Variants in GALNTL6 observed in about 807,000 individuals in gnomAD.
GALNTL6 encodes polypeptide N-acetylgalactosaminyltransferase like 6.
GALNTL6 carries 46 observed loss-of-function variants against 73.7 expected under a neutral mutation model. The observed-to-expected ratio is 0.62, with a 90% CI of 0.49 to 0.80. The LOEUF (loss-of-function observed/expected upper bound fraction) is 0.80, where lower values mean the gene tolerates loss of function less well. GALNTL6 is among the 30% of genes least tolerant of loss of function. GALNTL6 has a pLI of 0.00. For missense variants in GALNTL6, 604 were observed against 755.0 expected (o/e 0.80, Z 2.34); for synonymous variants, 259 against 263.7 (o/e 0.98, Z 0.17).
intron 2 of GALNTL6, among the ~76,000 whole-genome samples, chr4:172,029,465 C>T (rs1436229291): frequency 6.6e-6 from 1 of 151,968 alleles, no homozygotes; most frequent in Admixed American, 6.6e-5. Flanking sequence ...TGGTCTTGTA[C>T]AAGCTACAAA....
At chr4:171,946,844 A>T (rs1738716131) in intron 2 of GALNTL6, among the ~76,000 whole-genome samples, 1 of 152,096 alleles carries the variant, frequency 6.6e-6, no homozygotes, top group Admixed American at 6.6e-5. Context: ...GAGAAGGTCT[A>T]GAACAACTCC....
chr4:172,197,145 A>G (rs186731375), intron 2 of GALNTL6, among the ~76,000 whole-genome samples: 3 of 152,254 alleles, frequency 2.0e-5, no homozygotes, highest in African/African-American at 7.2e-5. Context: ...TACACCCAGA[A>G]CCAACAAGCA....
intron 5 of GALNTL6, among the ~76,000 whole-genome samples, chr4:172,374,330 G>A (rs759972505): frequency 6.6e-6 from 1 of 152,106 alleles, no homozygotes; most frequent in Admixed American, 6.6e-5. Context: ...TTAGAACACC[G>A]AGGTTGACAG....
At chr4:171,966,432 A>T (rs2111055833) in intron 2 of GALNTL6, among the ~76,000 whole-genome samples, 1 of 152,290 alleles carries the variant, frequency 6.6e-6, no homozygotes, top group South Asian at 2.1e-4. Flanking sequence ...TTGGCAATTC[A>T]ATATGGAGAG....
At chr4:172,016,318 C>T (rs1451292533) in intron 2 of GALNTL6, among the ~76,000 whole-genome samples, 3 of 152,074 alleles carry the variant, frequency 2.0e-5, no homozygotes, top group South Asian at 2.1e-4. Flanking sequence ...CTTGTCTTCA[C>T]GCTCTGAAAT....
intron 4 of GALNTL6, among the ~76,000 whole-genome samples, chr4:172,312,649 T>G (rs934625415): frequency 1.3e-5 from 2 of 152,068 alleles, no homozygotes; most frequent in African/African-American, 4.8e-5. Context: ...AAAATAAGAA[T>G]CAGAAATCTA....
chr4:171,840,185 A>C (rs1735203711), intron 2 of GALNTL6, among the ~76,000 whole-genome samples: 1 of 152,198 alleles, frequency 6.6e-6, no homozygotes. Context: ...AAATTTTATT[A>C]ACAGGGAAAT....
At chr4:172,978,316 A>G (rs2126425379) in intron 10 of GALNTL6, among the ~76,000 whole-genome samples, 1 of 152,278 alleles carries the variant, frequency 6.6e-6, no homozygotes. Flanking sequence ...ATGGTTACTA[A>G]TCACAAAGGA....
At chr4:172,895,208 T>G (rs1746256097) in intron 8 of GALNTL6, among the ~76,000 whole-genome samples, 1 of 151,588 alleles carries the variant, frequency 6.6e-6, no homozygotes, top group African/African-American at 2.4e-5. Flanking sequence ...TATGGATAAG[T>G]AAGAATTTAC....
chr4:172,178,238 T>C (rs1735109893), intron 2 of GALNTL6, among the ~76,000 whole-genome samples: 1 of 152,118 alleles, frequency 6.6e-6, no homozygotes, highest in African/African-American at 2.4e-5. Flanking sequence ...GCCTGACAAA[T>C]ATATCATAAG....
intron 10 of GALNTL6, among the ~76,000 whole-genome samples, chr4:173,004,439 C>A (rs1752182388): frequency 1.3e-5 from 2 of 152,200 alleles, no homozygotes; most frequent in Middle Eastern, 3.4e-3. Context: ...CCAGCCTGCC[C>A]AACATGATGA....
chr4:172,014,485 T>G (rs1210614286), intron 2 of GALNTL6, among the ~76,000 whole-genome samples: 1 of 152,114 alleles, frequency 6.6e-6, no homozygotes, highest in Non-Finnish European at 1.5e-5. Flanking sequence ...ATGTCGAGCA[T>G]GTTTTCATAT....
At chr4:172,805,785 C>T (rs977000994) in intron 5 of GALNTL6, among the ~76,000 whole-genome samples, 1 of 151,962 alleles carries the variant, frequency 6.6e-6, no homozygotes, top group African/African-American at 2.4e-5. Context: ...CTCCAGAGAA[C>T]CCTTGACTAA....
intron 8 of GALNTL6, among the ~76,000 whole-genome samples, chr4:172,915,179 T>C (rs1747436483): frequency 6.6e-6 from 1 of 152,258 alleles, no homozygotes; most frequent in South Asian, 2.1e-4. Flanking sequence ...AAGGCAGAAA[T>C]AAAGATGTTC....
intron 5 of GALNTL6, among the ~76,000 whole-genome samples, chr4:172,688,799 C>G (rs1236956537): frequency 6.6e-6 from 1 of 152,264 alleles, no homozygotes; most frequent in African/African-American, 2.4e-5. Context: ...GGAGAGTACC[C>G]ATGATTCTAG....
intron 5 of GALNTL6, among the ~76,000 whole-genome samples, chr4:172,748,006 CA>C (rs1737207090): frequency 1.9e-3 from 1 of 532 alleles, no homozygotes; most frequent in Admixed American, 0.024. Flanking sequence ...TTGGAAACTG[CA>C]ACTTTTAAGT....
At chr4:172,275,920 G>T (rs560926744) in intron 3 of GALNTL6, among the ~76,000 whole-genome samples, 91 of 152,342 alleles carry the variant, frequency 6.0e-4, no homozygotes, top group African/African-American at 2.1e-3. Context: ...TTGTGCCGCT[G>T]CACTCCAGCC....
intron 5 of GALNTL6, among the ~76,000 whole-genome samples, chr4:172,736,593 A>AT (rs1484754754): frequency 6.6e-6 from 1 of 152,360 alleles, no homozygotes; most frequent in East Asian, 1.9e-4. Context: ...AGATGACGGG[A>AT]TTAAGAGATT....
At chr4:172,380,852 A>T (rs930310459) in intron 5 of GALNTL6, among the ~76,000 whole-genome samples, 2 of 152,194 alleles carry the variant, frequency 1.3e-5, no homozygotes, top group African/African-American at 4.8e-5. Flanking sequence ...AGCTTGTCAG[A>T]TTGTTTATTC....
Sources: gnomAD v4.1 joint callset for allele counts (sites outside exome capture counted in the v4.1 genomes callset) on GRCh38, gnomAD v4.1.1 for gene constraint, MANE v1.5 for transcripts, NCBI Gene and HGNC (gene_info 2026-07-23, HGNC 2026-07-21) for gene names.